The following VCL variants were observed in gnomAD, a reference collection of about 807,000 sequenced individuals.
VCL encodes the protein vinculin.
VCL carries 47 observed loss-of-function variants against 125.7 expected under a neutral mutation model. The observed-to-expected ratio is 0.37, with a 90% CI of 0.30 to 0.48. VCL has a LOEUF of 0.48. Among genes scored for constraint, VCL ranks in the 20% least tolerant of loss-of-function variants. The probability of loss-of-function intolerance (pLI) is 0.99; values close to 1 mark genes in which losing one functional copy is unlikely to be tolerated. For missense variants in VCL, 1,069 were observed against 1,455.5 expected, an observed-to-expected ratio of 0.73 and a Z score of 4.32; for synonymous variants, 458 against 514.6, an observed-to-expected ratio of 0.89 and a Z score of 1.49.
intron 21 of VCL, among the ~76,000 whole-genome samples, chr10:74,115,266 G>C (rs184374736): frequency 6.6e-6 from 1 of 152,104 alleles, no homozygotes; most frequent in Non-Finnish European, 1.5e-5. Flanking sequence ...TTGGGAGCCA[G>C]GTGTGGTGGT....
At chr10:74,113,053 C>T (rs1430027210) in intron 19 of VCL, among the ~76,000 whole-genome samples, 2 of 152,184 alleles carry the variant, frequency 1.3e-5, no homozygotes, top group Non-Finnish European at 2.9e-5. Flanking sequence ...AAATGATGAA[C>T]CGCTTCATGG....
intron 1 of VCL, among the ~76,000 whole-genome samples, chr10:74,014,515 A>T (rs890048278): frequency 6.6e-6 from 1 of 151,322 alleles, no homozygotes; most frequent in Non-Finnish European, 1.5e-5. Context: ...GATTACAGGC[A>T]TGAGCCACTA....
In VCL at chr10:74,084,698, C is replaced by T. The variant is rs572536602; in HGVS notation, c.1022+1185C>T. Reference sequence around the variant, plus strand: ...CGCGATCTCGGCTCACTGCAACCTTCGCCTCCTGGGTTCAAGTGATTCTCC... The same window carrying T: ...CGCGATCTCGGCTCACTGCAACCTTTGCCTCCTGGGTTCAAGTGATTCTCC... On this transcript the variant is annotated intron_variant, in intron 8 of 21. Transcript: ENST00000211998. Among the ~76,000 whole-genome samples the T allele has an allele frequency of 2.1e-4, 32 of 152,138 alleles. No individual in the cohort carries two copies. The East Asian group carries it at 4.8e-3, about 23-fold the overall frequency.
intron 1 of VCL, among the ~76,000 whole-genome samples, chr10:74,039,400 G>A (rs925421371): frequency 6.6e-6 from 1 of 152,040 alleles, no homozygotes; most frequent in Non-Finnish European, 1.5e-5. Flanking sequence ...CCGGCTGACT[G>A]CAGTAGCCTC....
chr10:74,090,262 C>G, intron 10 of VCL, 64 bp downstream of exon 10: 2 of 1,583,992 alleles, frequency 1.3e-6, no homozygotes, highest in Non-Finnish European at 1.7e-6. Context: ...TCCCTTCCCT[C>G]TCCCTTTCTT....
Position 74,118,330 on chromosome 10 carries a change from ACT to A in VCL, c.*164_*165del. The stretch of plus-strand genomic sequence containing the variant: ...CCTCTTCAAATTAGAAGACATTTAT[ACT>A]CTTTTTTCATGGACACTTTGAAATG... On this transcript the variant is annotated 3_prime_UTR_variant, in exon 22 of 22. Transcript: ENST00000211998. 1.2e-6 allele frequency: 1 copy of A among 849,420 alleles called. No individual in the cohort carries two copies. Among genetic ancestry groups the A allele is most frequent in the Non-Finnish European group, 1.9e-6 (1 of 528,744 alleles). 52.6% of individuals were successfully genotyped at this position (849,420 alleles called of 1,614,324 possible). A position where few individuals can be genotyped will look rare whatever the true frequency, so the allele number is the denominator to read the frequency against.
At chr10:74,075,298 AC>A (rs915100164) in intron 6 of VCL, 120 of 173,094 alleles carry the variant, frequency 6.9e-4, no homozygotes, top group African/African-American at 2.4e-3. Context: ...TTTATGGAAA[AC>A]TTTTCTTTAA....
chr10:74,114,106 T>G (rs1257716415), intron 19 of VCL, 78 bp from the exon 20 acceptor site: 4 of 1,571,530 alleles, frequency 2.5e-6, no homozygotes, highest in Non-Finnish European at 3.5e-6. Flanking sequence ...CTCCCTCCTC[T>G]TCTCTGTGCT....
chr10:74,018,417 G>A (rs1055606555), intron 1 of VCL, among the ~76,000 whole-genome samples: 1 of 151,770 alleles, frequency 6.6e-6, no homozygotes, highest in Non-Finnish European at 1.5e-5. Context: ...TGATGCCAAG[G>A]AGCAAACATG....
chr10:74,078,674 G>T (rs945659458), intron 6 of VCL, among the ~76,000 whole-genome samples: 1 of 152,164 alleles, frequency 6.6e-6, no homozygotes, highest in Non-Finnish European at 1.5e-5. Context: ...GAGCCAGGAA[G>T]GTATTCTTAG....
chr10:74,033,199 A>G (rs1246218182), intron 1 of VCL, among the ~76,000 whole-genome samples: 1 of 152,260 alleles, frequency 6.6e-6, no homozygotes, highest in African/African-American at 2.4e-5. Flanking sequence ...TGGCAATAAA[A>G]AGAAATGAAG....
At position 74,090,191 on chromosome 10, in the gene VCL, C is replaced by T. The variant is rs1173871364; in HGVS notation, c.1345C>T (p.Arg449Ter). 8 of 1,614,130 alleles carry T rather than the reference C, an allele frequency of 5.0e-6. No homozygotes were observed. Among genetic ancestry groups the T allele is most frequent in the African/African-American group, 1.3e-5 (1 of 75,054 alleles). The change falls in exon 10 of 22, where the codon CGA (arginine) becomes TGA (stop). Residue 449 changes from arginine (R) to a stop codon, truncating the protein, a stop_gained. Coordinates refer to ENST00000211998, the MANE Select transcript of VCL (RefSeq NM_014000.3). LOFTEE classifies it high-confidence loss of function. ...SALTSKLADL[R>*]RQGKGDSPEA... ...TCTGACTTCTAAATTAGCAGATCTACGAAGACAGTATGTATTTAACCCTTA... is the reference window on the plus strand; with the variant it reads ...TCTGACTTCTAAATTAGCAGATCTATGAAGACAGTATGTATTTAACCCTTA...
chr10:74,000,895 G>A (rs1306861575), intron 1 of VCL, among the ~76,000 whole-genome samples: 3 of 152,198 alleles, frequency 2.0e-5, no homozygotes, highest in East Asian at 1.9e-4. Flanking sequence ...GAGATTGGTG[G>A]TAGCTATGGG....
At chr10:74,002,799 T>C (rs1840252631) in intron 1 of VCL, among the ~76,000 whole-genome samples, 1 of 151,114 alleles carries the variant, frequency 6.6e-6, no homozygotes, top group Non-Finnish European at 1.5e-5. Context: ...GGAGAATCGC[T>C]TGAATCCGGG....
intron 1 of VCL, among the ~76,000 whole-genome samples, chr10:74,002,000 T>C (rs981816230): frequency 4.6e-5 from 7 of 152,206 alleles, no homozygotes; most frequent in Admixed American, 6.5e-5. Flanking sequence ...TAAAATTTAC[T>C]AGATGAAGAT....
intron 1 of VCL, among the ~76,000 whole-genome samples, chr10:74,039,351 A>G (rs1841049465): frequency 6.8e-6 from 1 of 147,500 alleles, no homozygotes; most frequent in African/African-American, 2.5e-5. Context: ...TGTTTTCACT[A>G]CTTAAGTAGT....
At chr10:74,000,087 A>AG (rs1840199173) in intron 1 of VCL, among the ~76,000 whole-genome samples, 1 of 152,162 alleles carries the variant, frequency 6.6e-6, no homozygotes, top group South Asian at 2.1e-4. Context: ...TTTAGAGAAA[A>AG]GTTATTTATG....
intron 1 of VCL, among the ~76,000 whole-genome samples, chr10:74,010,167 C>T (rs552549034): frequency 6.6e-6 from 1 of 152,266 alleles, no homozygotes; most frequent in East Asian, 1.9e-4. Context: ...TCAAGTGATC[C>T]ATCCGCCTCG....
intron 21 of VCL, among the ~76,000 whole-genome samples, chr10:74,116,183 T>C (rs1468590045): frequency 6.6e-6 from 1 of 152,228 alleles, no homozygotes; most frequent in African/African-American, 2.4e-5. Flanking sequence ...GGCCAGGAGA[T>C]AGGGCACTGG....
Sources: allele counts gnomAD v4.1 joint callset (sites outside exome capture counted in the v4.1 genomes callset), GRCh38; gene constraint gnomAD v4.1.1; transcripts MANE v1.5; gene names NCBI Gene and HGNC (gene_info 2026-07-23, HGNC 2026-07-21).